DSCAML1: variants seen among roughly 807,000 people sequenced by gnomAD.
DSCAML1 encodes DS cell adhesion molecule like 1.
A neutral mutation model predicts 200.5 loss-of-function variants in DSCAML1; 38 were observed. The observed-to-expected ratio is 0.19, with a 90% CI of 0.15 to 0.25. DSCAML1 has a LOEUF of 0.25. Ranked by LOEUF, DSCAML1 falls within the 10% of genes least tolerant of loss-of-function variation. DSCAML1 has a pLI of 1.00. For synonymous variants in DSCAML1, 1,215 were observed against 1,165.0 expected (o/e 1.04, Z -0.87); for missense variants, 2,223 against 2,858.8 (o/e 0.78, Z 5.07).
At chr11:117,531,205 C>G (rs1354824950) in intron 4 of DSCAML1, among the ~76,000 whole-genome samples, 1 of 152,096 alleles carries the variant, frequency 6.6e-6, no homozygotes. Flanking sequence ...TTCAACTGAC[C>G]CCTTCTATGG....
intron 3 of DSCAML1, among the ~76,000 whole-genome samples, chr11:117,665,856 A>G (rs935627288): frequency 6.6e-6 from 1 of 152,186 alleles, no homozygotes; most frequent in African/African-American, 2.4e-5. Flanking sequence ...AAAAGGAAAG[A>G]AACAGGGATC....
chr11:117,553,636 A>G (rs2050506938), intron 3 of DSCAML1, among the ~76,000 whole-genome samples: 1 of 152,240 alleles, frequency 6.6e-6, no homozygotes, highest in Admixed American at 6.5e-5. Flanking sequence ...CTCAGAAAAT[A>G]ACAAGTGTTG....
At chr11:117,814,784 C>CA (rs1453489448) in intron 1 of DSCAML1, among the ~76,000 whole-genome samples, 24 of 152,314 alleles carry the variant, frequency 1.6e-4, no homozygotes, top group Admixed American at 5.2e-4. Context: ...TCTTGAACAG[C>CA]GGAGGCCCAG....
In DSCAML1 at chr11:117,804,457, C is replaced by G. The variant is rs2055692411; in HGVS notation, c.-250+12933G>C. ...TTTATCAAGCCCAAATCTGCCTTAGCTTTCTGGAGTTCAAAAGATGTGCCC... is the reference window on the plus strand; with the variant it reads ...TTTATCAAGCCCAAATCTGCCTTAGGTTTCTGGAGTTCAAAAGATGTGCCC... On this transcript the variant is annotated intron_variant, in intron 1 of 2. Coordinates refer to the DSCAML1 transcript ENST00000525836. Among the ~76,000 whole-genome samples the G allele has an allele frequency of 2.0e-5, 3 of 152,204 alleles. 1 individual carries two copies. In the South Asian group the frequency reaches 6.2e-4, roughly 32 times the overall value.
intron 3 of DSCAML1, among the ~76,000 whole-genome samples, chr11:117,748,254 C>T (rs1452205865): frequency 2.6e-5 from 4 of 152,180 alleles, no homozygotes; most frequent in African/African-American, 7.2e-5. Context: ...GGACACACTC[C>T]GTAATGGTGA....
chr11:117,580,670 TCTC>T (rs2051023094), intron 3 of DSCAML1, among the ~76,000 whole-genome samples: 1 of 152,216 alleles, frequency 6.6e-6, no homozygotes, highest in Non-Finnish European at 1.5e-5. Context: ...CTTCTCTCTC[TCTC>T]TTCTTTGAAG....
intron 3 of DSCAML1, among the ~76,000 whole-genome samples, chr11:117,675,799 C>T (rs2053201326): frequency 6.6e-6 from 1 of 152,142 alleles, no homozygotes; most frequent in Non-Finnish European, 1.5e-5. Flanking sequence ...CATCCACCAG[C>T]GGCTCTGAAA....
intron 20 of DSCAML1, among the ~76,000 whole-genome samples, chr11:117,449,252 G>A (rs2048237680): frequency 6.6e-6 from 1 of 152,144 alleles, no homozygotes; most frequent in African/African-American, 2.4e-5. Context: ...GTGTTGTAAT[G>A]TCCTGTTCTG....
At position 117,428,388 on chromosome 11, in the gene DSCAML1, C is replaced by T. The variant is rs1043131288; in HGVS notation, c.6102G>A (p.Gly2034=). The T allele has an allele frequency of 2.5e-6, 4 of 1,585,760 alleles. No individual in the cohort carries two copies. The highest frequency in any genetic ancestry group is 3.4e-6 in the Non-Finnish European group (4 of 1,169,546). Residue 2034 remains glycine, a synonymous_variant, in exon 33 of 33, where the codon GGG becomes GGA. Transcript: ENST00000651296. ...CCCCCTGCTTCTGAGACCTCCCTAC[C>T]CCCGATGTGCTCATCTCGAGAAGCG... ...RDSLLEMSTS[G]VGRSQKQGAG...
intron 3 of DSCAML1, among the ~76,000 whole-genome samples, chr11:117,769,296 T>A (rs1271320796): frequency 1.1e-3 from 1 of 930 alleles, no homozygotes; most frequent in East Asian, 0.17. Flanking sequence ...TTTTATATAT[T>A]TATATATATT....
intron 3 of DSCAML1, among the ~76,000 whole-genome samples, chr11:117,774,747 G>C (rs962266096): frequency 3.9e-5 from 6 of 152,138 alleles, no homozygotes; most frequent in Admixed American, 1.3e-4. Flanking sequence ...GGTGAGGCAC[G>C]TCTGTGTGGG....
chr11:117,685,011 C>T (rs992968670), intron 3 of DSCAML1, among the ~76,000 whole-genome samples: 3 of 152,224 alleles, frequency 2.0e-5, no homozygotes, highest in South Asian at 4.1e-4. Flanking sequence ...CCTGTTGAGG[C>T]CCCTGTCCCA....
At chr11:117,735,401 G>A (rs541627521) in intron 3 of DSCAML1, among the ~76,000 whole-genome samples, 16 of 152,254 alleles carry the variant, frequency 1.1e-4, no homozygotes, top group Admixed American at 3.3e-4. Context: ...AAACTAAAGC[G>A]TGGAGAAGAT....
At chr11:117,685,827 G>A (rs1019084226) in intron 3 of DSCAML1, among the ~76,000 whole-genome samples, 25 of 152,332 alleles carry the variant, frequency 1.6e-4, no homozygotes, top group Admixed American at 1.0e-3. Context: ...CATTCGTGAA[G>A]GGAGAGGATG....
intron 6 of DSCAML1, 45 bp downstream of exon 6, chr11:117,521,085 C>A: frequency 6.3e-7 from 1 of 1,594,524 alleles, no homozygotes; most frequent in South Asian, 1.1e-5. Flanking sequence ...GGAATGAGCT[C>A]GGCAGCCCTG....
At chr11:117,669,797 C>T (rs2053064048) in intron 3 of DSCAML1, among the ~76,000 whole-genome samples, 1 of 152,214 alleles carries the variant, frequency 6.6e-6, no homozygotes. Flanking sequence ...TGCAAAGGCC[C>T]TGGGGCAGGG....
intron 3 of DSCAML1, among the ~76,000 whole-genome samples, chr11:117,556,470 G>A (rs1449397839): frequency 6.7e-6 from 1 of 149,074 alleles, no homozygotes; most frequent in African/African-American, 2.5e-5. Flanking sequence ...TTCCTTTCTC[G>A]ACTCACAGGT....
At chr11:117,669,481 G>A (rs1468136757) in intron 3 of DSCAML1, among the ~76,000 whole-genome samples, 1 of 152,210 alleles carries the variant, frequency 6.6e-6, no homozygotes. Context: ...CCATTCAACA[G>A]CTATCTAGTG....
intron 3 of DSCAML1, among the ~76,000 whole-genome samples, chr11:117,713,875 A>G (rs2053898266): frequency 6.6e-6 from 1 of 152,126 alleles, no homozygotes. Flanking sequence ...AGTCCCTGGA[A>G]CCACCTGCCA....
Sources: allele counts gnomAD v4.1 joint callset (sites outside exome capture counted in the v4.1 genomes callset), GRCh38; gene constraint gnomAD v4.1.1; transcripts MANE v1.5; gene names NCBI Gene and HGNC (gene_info 2026-07-23, HGNC 2026-07-21).